Variants in IL21R observed in about 807,000 individuals in gnomAD.
The protein encoded by IL21R is interleukin-21 receptor.
In IL21R, 14 loss-of-function variants were observed where a neutral mutation model predicts 41.3. The observed-to-expected ratio is 0.34, with a 90% confidence interval of 0.22 to 0.53. The LOEUF (loss-of-function observed/expected upper bound fraction) is 0.53, where lower values mean the gene tolerates loss of function less well. Among genes scored for constraint, IL21R ranks in the 20% least tolerant of loss-of-function variants. IL21R has a pLI of 0.94. For synonymous variants in IL21R, 286 were observed against 287.6 expected (o/e 0.99, Z 0.05); for missense variants, 588 against 681.6 (o/e 0.86, Z 1.53).
At position 27,425,070 on chromosome 16, in the gene IL21R, C is replaced by T. The variant is rs183892952; in HGVS notation, c.-16-4986C>T. ...AAATCCGCCCCCATGATCCAATCACCTCCCACCAGGCCCCACCTCCAACAT... is the reference window on the plus strand; with the variant it reads ...AAATCCGCCCCCATGATCCAATCACTTCCCACCAGGCCCCACCTCCAACAT... On this transcript the variant is annotated intron_variant, in intron 1 of 8. Coordinates refer to ENST00000337929, the MANE Select transcript of IL21R (RefSeq NM_181078.3). Among the ~76,000 whole-genome samples the T allele has an allele frequency of 1.6e-3, 249 of 152,338 alleles. 3 individuals are homozygous for T. The highest frequency in any genetic ancestry group is 8.5e-4 in the Non-Finnish European group (58 of 68,022).
At position 27,448,642 on chromosome 16, in the gene IL21R, G is replaced by T; in HGVS notation, c.976G>T (p.Ala326Ser). The stretch of plus-strand genomic sequence containing the variant: ...CAGCTGCCACCCACCACGGAGCCCG[G>T]CCAAGAGGCTGCAGCTCACGGAGCT... ...VYSCHPPRSP[A>S]KRLQLTELQE... The change falls in exon 9 of 9, where the codon GCC becomes TCC. Residue 326 changes from alanine to serine, a missense_variant. Ala to Ser is a moderately conservative substitution (Grantham distance 99). Coordinates refer to ENST00000337929, the MANE Select transcript of IL21R (RefSeq NM_181078.3). The T allele has an allele frequency of 1.9e-6, 3 of 1,613,198 alleles. No individual in the cohort carries two copies. The highest frequency in any genetic ancestry group is 2.5e-6 in the Non-Finnish European group (3 of 1,180,020).
At position 27,443,104 on chromosome 16, in the gene IL21R, C is replaced by G; in HGVS notation, c.495C>G (p.Asp165Glu). ...QYELQYRNRG[D>E]PWAVSPRRKL... Reference sequence around the variant, plus strand: ...AGCTGCAGTACAGGAACCGGGGAGACCCCTGGGCTGTGGTGAGGAATGTGG... The same window carrying G: ...AGCTGCAGTACAGGAACCGGGGAGAGCCCTGGGCTGTGGTGAGGAATGTGG... The change falls in exon 5 of 9, where the codon GAC becomes GAG. Residue 165 changes from aspartate to glutamate, a missense_variant. Physicochemically the swap from Asp to Glu is conservative, Grantham distance 45 (BLOSUM62 2). Transcript: ENST00000337929. 13 of 1,611,242 alleles carry G rather than the reference C, an allele frequency of 8.1e-6. No homozygotes were observed. The highest frequency in any genetic ancestry group is 1.1e-5 in the Non-Finnish European group (13 of 1,178,688).
intron 1 of IL21R, among the ~76,000 whole-genome samples, chr16:27,409,730 T>G (rs1319398294): frequency 6.6e-6 from 1 of 152,254 alleles, no homozygotes. Context: ...TTGTTTTTCC[T>G]TGCAACAATG....
intron 1 of IL21R, among the ~76,000 whole-genome samples, chr16:27,411,720 T>C (rs1449332076): frequency 6.6e-6 from 1 of 152,134 alleles, no homozygotes; most frequent in Non-Finnish European, 1.5e-5. Flanking sequence ...CGCCTCGGCC[T>C]CCCAAAATGC....
intron 1 of IL21R, chr16:27,427,322 A>AC (rs1261888784): frequency 1.5e-5 from 15 of 985,134 alleles, no homozygotes; most frequent in Admixed American, 1.2e-4. Flanking sequence ...AGCAGCAGGT[A>AC]CCCCCTCCAC....
intron 1 of IL21R, among the ~76,000 whole-genome samples, chr16:27,413,729 CAT>C (rs1300996659): frequency 3.9e-5 from 6 of 151,920 alleles, no homozygotes; most frequent in African/African-American, 1.4e-4. Context: ...AATTCGTTGG[CAT>C]ATAATTGTTC....
intron 3 of IL21R, among the ~76,000 whole-genome samples, chr16:27,435,750 G>T (rs537316607): frequency 1.3e-5 from 2 of 150,866 alleles, no homozygotes; most frequent in Admixed American, 1.3e-4. Flanking sequence ...CACCATGCCA[G>T]GCCCAAACAG....
Position 27,451,243 on chromosome 16 carries a change from G to A in IL21R, c.*1960G>A, listed in dbSNP as rs1023185276. The stretch of plus-strand genomic sequence containing the variant: ...ACCTGTGGGTGCCACCTGAGCCACA[G>A]GCTCCCAGGAAAGCAGCACAGCTCT... On this transcript the variant is annotated 3_prime_UTR_variant, in exon 9 of 9. Coordinates refer to ENST00000337929, the MANE Select transcript of IL21R (RefSeq NM_181078.3). 1 of 230,130 alleles carries A rather than the reference G, an allele frequency of 4.3e-6. No individual in the cohort carries two copies. The highest frequency in any genetic ancestry group is 2.2e-5 in the African/African-American group (1 of 44,720). The allele number at this position is 230,130 out of a possible 1,614,324, so 14.3% of individuals were successfully genotyped here.
chr16:27,418,990 G>A (rs142117477), intron 1 of IL21R, among the ~76,000 whole-genome samples: 123 of 152,034 alleles, frequency 8.1e-4, no homozygotes, highest in African/African-American at 2.6e-3. Context: ...CAAGGAGGGC[G>A]GATCGCCTGC....
At chr16:27,427,374 G>C in intron 1 of IL21R, 1 of 952,766 alleles carries the variant, frequency 1.0e-6, no homozygotes, top group Non-Finnish European at 1.2e-6. Context: ...AAGAAATTAG[G>C]AGGGATGAGG....
intron 1 of IL21R, among the ~76,000 whole-genome samples, chr16:27,420,472 C>T (rs1176458998): frequency 2.0e-5 from 3 of 152,194 alleles, no homozygotes; most frequent in African/African-American, 4.8e-5. Context: ...CCCTCATTCA[C>T]ACTTGTGATT....
chr16:27,413,007 A>G (rs958707847), intron 1 of IL21R, among the ~76,000 whole-genome samples: 7 of 152,156 alleles, frequency 4.6e-5, no homozygotes, highest in Non-Finnish European at 1.5e-5. Flanking sequence ...CCAGTTGAAT[A>G]GAAATGGCAA....
In IL21R at chr16:27,437,500, T is replaced by C. The variant is rs1383701716; in HGVS notation, c.165T>C (p.Tyr55=). Residue 55 remains tyrosine, a synonymous_variant, in exon 4 of 9, where the codon TAT becomes TAC. Transcript: ENST00000337929. ...STLTLTWQDQ[Y]EELKDEATSC... ...TTTGTCCTTGAAGGCAAGACCAGTA[T>C]GAAGAGCTGAAGGACGAGGCCACCT... The C allele has an allele frequency of 2.5e-6, 4 of 1,613,706 alleles. No homozygotes were observed. The highest frequency in any genetic ancestry group is 1.1e-5 in the South Asian group (1 of 91,058).
chr16:27,426,263 C>T (rs968909974), intron 1 of IL21R, among the ~76,000 whole-genome samples: 4 of 152,306 alleles, frequency 2.6e-5, no homozygotes, highest in East Asian at 1.9e-4. Flanking sequence ...ACCAGCATGG[C>T]GCACACTGCC....
intron 1 of IL21R, among the ~76,000 whole-genome samples, chr16:27,415,962 C>CT (rs1483210436): frequency 6.6e-6 from 1 of 152,094 alleles, no homozygotes; most frequent in Non-Finnish European, 1.5e-5. Flanking sequence ...TTTCCATGAG[C>CT]TTTTTGAAGT....
At chr16:27,433,892 A>C (rs1458142195) in intron 2 of IL21R, among the ~76,000 whole-genome samples, 1 of 152,038 alleles carries the variant, frequency 6.6e-6, no homozygotes, top group African/African-American at 2.4e-5. Flanking sequence ...GGGTTTTGGG[A>C]CATTTTCAGC....
At chr16:27,412,420 CT>C (rs1026054138) in intron 1 of IL21R, among the ~76,000 whole-genome samples, 106 of 140,446 alleles carry the variant, frequency 7.5e-4, no homozygotes, top group Middle Eastern at 7.2e-3. Flanking sequence ...TCTTCTTCTT[CT>C]TTTTTTTTTT....
intron 1 of IL21R, among the ~76,000 whole-genome samples, chr16:27,425,583 T>A (rs997378626): frequency 6.6e-6 from 1 of 151,932 alleles, no homozygotes; most frequent in South Asian, 2.1e-4. Context: ...CAGAGTGTCT[T>A]GCTCTGTTGC....
At chr16:27,408,417 G>A (rs1355958783) in intron 1 of IL21R, among the ~76,000 whole-genome samples, 3 of 152,172 alleles carry the variant, frequency 2.0e-5, no homozygotes, top group South Asian at 2.1e-4. Flanking sequence ...GCTAGATCCC[G>A]AAATGCCTTG....
Sources: allele counts gnomAD v4.1 joint callset (sites outside exome capture counted in the v4.1 genomes callset), GRCh38; gene constraint gnomAD v4.1.1; transcripts MANE v1.5; gene names NCBI Gene and HGNC (gene_info 2026-07-23, HGNC 2026-07-21).